VAT1L: variants seen among roughly 807,000 people sequenced by gnomAD.
VAT1L encodes vesicle amine transport 1 like.
In VAT1L, 34 loss-of-function variants were observed where a neutral mutation model predicts 44.1. The ratio of observed to expected loss-of-function variants is 0.77; its 90% CI spans 0.59 to 1.03. The LOEUF (loss-of-function observed/expected upper bound fraction) is 1.03, where lower values mean the gene tolerates loss of function less well. Ranked by LOEUF, VAT1L falls within the 50% of genes least tolerant of loss-of-function variation. The pLI is 0.00. For missense variants in VAT1L, 615 were observed against 538.8 expected (o/e 1.14, Z -1.40); for synonymous variants, 253 against 202.2 (o/e 1.25, Z -2.13).
At chr16:77,796,023 G>T (rs778842687) in intron 1 of VAT1L, among the ~76,000 whole-genome samples, 1 of 151,736 alleles carries the variant, frequency 6.6e-6, no homozygotes, top group African/African-American at 2.4e-5. Context: ...ACAGGGTTTC[G>T]CCATGTTGGC....
At chr16:77,955,505 G>A (rs2018092722) in intron 7 of VAT1L, among the ~76,000 whole-genome samples, 3 of 152,172 alleles carry the variant, frequency 2.0e-5, no homozygotes. Flanking sequence ...CGGGAAGATT[G>A]CTTGAGGTCA....
intron 3 of VAT1L, among the ~76,000 whole-genome samples, chr16:77,844,904 T>A (rs1276074787): frequency 3.9e-5 from 6 of 152,124 alleles, no homozygotes. Context: ...ATAGAGAATA[T>A]CAGGCAGAGA....
intron 7 of VAT1L, among the ~76,000 whole-genome samples, chr16:77,928,852 C>G (rs2017698024): frequency 6.6e-6 from 1 of 152,094 alleles, no homozygotes. Flanking sequence ...GAGTCTCACT[C>G]TGTCACCAGG....
intron 7 of VAT1L, among the ~76,000 whole-genome samples, chr16:77,917,567 T>C (rs75930908): frequency 0.015 from 2,323 of 152,300 alleles, 52 homozygotes; most frequent in African/African-American, 0.053. Flanking sequence ...CATAGTTTCT[T>C]TATGTTTTGA....
chr16:77,814,724 C>G (rs2016322847), intron 1 of VAT1L, among the ~76,000 whole-genome samples: 1 of 152,206 alleles, frequency 6.6e-6, no homozygotes, highest in Non-Finnish European at 1.5e-5. Flanking sequence ...ATTTTATTTA[C>G]TGTTATACAG....
At position 77,790,664 on chromosome 16, in the gene VAT1L, G is replaced by A. The variant is rs190327162; in HGVS notation, c.233+1749G>A. Among the ~76,000 whole-genome samples, 174 of 152,158 alleles carry A rather than the reference G, an allele frequency of 1.1e-3. 2 individuals are homozygous for A. Among genetic ancestry groups the A allele is most frequent in the Non-Finnish European group, 6.9e-4 (47 of 68,014 alleles). ...ATACATATATACAATTATATATACA[G>A]TTGCATATGTATGCGTATGTAATTT... On this transcript the variant is annotated intron_variant, in intron 1 of 8. Coordinates refer to ENST00000302536, the MANE Select transcript of VAT1L (RefSeq NM_020927.3).
intron 7 of VAT1L, among the ~76,000 whole-genome samples, chr16:77,968,201 C>T (rs9933279): frequency 0.036 from 5,511 of 152,168 alleles, 327 homozygotes; most frequent in African/African-American, 0.13. Context: ...TTGATTCTCA[C>T]AAGGCTGCAA....
In VAT1L at chr16:77,977,736, G is replaced by T. The variant is rs781650021; in HGVS notation, c.*41G>T. On this transcript the variant is annotated 3_prime_UTR_variant, in exon 9 of 9. Coordinates refer to ENST00000302536, the MANE Select transcript of VAT1L (RefSeq NM_020927.3). The stretch of plus-strand genomic sequence containing the variant: ...GGAGAATGTGAAGGATGGTTTGGAA[G>T]ATGAGGACCCGGCTGAGAAAACTCT... 1.3e-6 allele frequency: 2 copies of T among 1,589,920 alleles called. No individual in the cohort carries two copies. Among genetic ancestry groups the T allele is most frequent in the East Asian group, 4.5e-5 (2 of 44,536 alleles).
At position 77,898,046 on chromosome 16, in the gene VAT1L, C is replaced by T. The variant is rs117965423; in HGVS notation, c.1077+13244C>T. On this transcript the variant is annotated intron_variant, in intron 7 of 8. Coordinates refer to ENST00000302536, the MANE Select transcript of VAT1L (RefSeq NM_020927.3). The stretch of plus-strand genomic sequence containing the variant: ...TTCCTTCTGAGGGTCATGAAGGAAT[C>T]TGTCTCATGCATCTCTCTTAGGTCT... Among the ~76,000 whole-genome samples the T allele has an allele frequency of 4.6e-5, 7 of 152,238 alleles. No homozygotes were observed. In the East Asian group the frequency reaches 1.4e-3, roughly 29 times the overall value.
At chr16:77,841,514 TGGG>T (rs1241595792) in intron 3 of VAT1L, among the ~76,000 whole-genome samples, 1 of 152,204 alleles carries the variant, frequency 6.6e-6, no homozygotes, top group Non-Finnish European at 1.5e-5. Flanking sequence ...ATGGTAGTCA[TGGG>T]ACACTGGAAG....
chr16:77,942,004 G>T (rs10781990), intron 7 of VAT1L, among the ~76,000 whole-genome samples: 77,540 of 152,006 alleles, frequency 0.51, 20,243 homozygotes, highest in East Asian at 0.58. Context: ...TTTAATAATA[G>T]CCATTCTGAC....
At chr16:77,881,186 T>C (rs2017150758) in intron 6 of VAT1L, among the ~76,000 whole-genome samples, 1 of 152,232 alleles carries the variant, frequency 6.6e-6, no homozygotes, top group Non-Finnish European at 1.5e-5. Context: ...TTGCTGCTTT[T>C]CACAAGGGTT....
chr16:77,956,689 G>A (rs921351322), intron 7 of VAT1L, among the ~76,000 whole-genome samples: 11 of 152,102 alleles, frequency 7.2e-5, no homozygotes, highest in Admixed American at 1.3e-4. Flanking sequence ...ATCCTTCCTC[G>A]TGGGAGGATC....
chr16:77,826,442 G>A (rs1358428437), intron 3 of VAT1L, among the ~76,000 whole-genome samples: 2 of 152,130 alleles, frequency 1.3e-5, no homozygotes, highest in Non-Finnish European at 2.9e-5. Context: ...TTTCTTGAGT[G>A]GGCAGAGATT....
intron 1 of VAT1L, among the ~76,000 whole-genome samples, chr16:77,813,673 A>C (rs892093565): frequency 6.6e-6 from 1 of 152,212 alleles, no homozygotes; most frequent in African/African-American, 2.4e-5. Context: ...GCTCAGGTCA[A>C]CTAGATCTCT....
At chr16:77,810,249 G>A (rs2016241665) in intron 1 of VAT1L, among the ~76,000 whole-genome samples, 1 of 152,140 alleles carries the variant, frequency 6.6e-6, no homozygotes, top group Admixed American at 6.5e-5. Context: ...CTCTAAGTGT[G>A]GTTCCCAGAT....
chr16:77,793,897 C>A (rs1237385994), intron 1 of VAT1L, among the ~76,000 whole-genome samples: 1 of 152,118 alleles, frequency 6.6e-6, no homozygotes, highest in Non-Finnish European at 1.5e-5. Context: ...GGTTATGAGC[C>A]AGGAACTGAG....
chr16:77,888,333 A>G (rs1214672402), intron 7 of VAT1L, among the ~76,000 whole-genome samples: 3 of 152,208 alleles, frequency 2.0e-5, no homozygotes, highest in Non-Finnish European at 4.4e-5. Flanking sequence ...GACCTAGACT[A>G]TATTATTCCA....
At chr16:77,890,828 G>A (rs978616401) in intron 7 of VAT1L, among the ~76,000 whole-genome samples, 2 of 151,924 alleles carry the variant, frequency 1.3e-5, no homozygotes, top group South Asian at 4.2e-4. Context: ...GGAGGCTGAG[G>A]TGGGAGGATG....
Sources: gnomAD v4.1 joint callset for allele counts (sites outside exome capture counted in the v4.1 genomes callset) on GRCh38, gnomAD v4.1.1 for gene constraint, MANE v1.5 for transcripts, NCBI Gene and HGNC (gene_info 2026-07-23, HGNC 2026-07-21) for gene names.